The following SNRPN variants were observed in gnomAD, a reference collection of about 807,000 sequenced individuals.
SNRPN encodes the protein small nuclear ribonucleoprotein-associated protein N.
A neutral mutation model predicts 25.2 loss-of-function variants in SNRPN; 7 were observed. The observed-to-expected ratio is 0.28, with a 90% CI of 0.16 to 0.52. The LOEUF (loss-of-function observed/expected upper bound fraction) is 0.52. SNRPN is among the 20% of genes least tolerant of loss of function. SNRPN has a pLI of 0.96. For synonymous variants in SNRPN, 124 were observed against 110.6 expected, an observed-to-expected ratio of 1.12 and a Z score of -0.76; for missense variants, 196 against 322.5, an observed-to-expected ratio of 0.61 and a Z score of 3.00.
At position 24,971,244 on chromosome 15, in the gene SNRPN, A is replaced by G. The variant is rs184243889; in HGVS notation, c.-143-3067A>G. ...TGTGCCCTTTGATCTCAGAAGATAC[A>G]CTATGACTGCTCATCCATCCTTGCA... On this transcript the variant is annotated intron_variant, in intron 3 of 9. Coordinates refer to ENST00000390687, the MANE Select transcript of SNRPN (RefSeq NM_003097.6). Among the ~76,000 whole-genome samples the G allele has an allele frequency of 3.9e-5, 6 of 152,320 alleles. No individual in the cohort carries two copies. In the East Asian group the frequency reaches 1.2e-3, roughly 29 times the overall value.
rs2077123681 is a variant in SNRPN, at chr15:24,976,882, C to T, written c.273C>T (p.Gly91=). Reference sequence around the variant, plus strand: ...TATGAATTTTCTTGTTTCAGACTGGCATTGCTCGGGTACCACTTGCTGGAG... The same window carrying T: ...TATGAATTTTCTTGTTTCAGACTGGTATTGCTCGGGTACCACTTGCTGGAG... ...TVEGPPPKDT[G]IARVPLAGAA... The change falls in exon 7 of 10, where the codon GGC becomes GGT. Residue 91 remains glycine, a synonymous_variant. Transcript: ENST00000390687. The T allele has an allele frequency of 1.9e-6, 3 of 1,607,412 alleles. No individual in the cohort carries two copies. The highest frequency in any genetic ancestry group is 2.5e-6 in the Non-Finnish European group (3 of 1,178,176).
chr15:24,966,850 C>T (rs997249288), intron 2 of SNRPN, among the ~76,000 whole-genome samples: 2 of 152,164 alleles, frequency 1.3e-5, no homozygotes, highest in African/African-American at 4.8e-5. Flanking sequence ...CAGCTCCTCA[C>T]CTCAAGGCAA....
chr15:24,955,856 G>A (rs982939452), intron 1 of SNRPN, among the ~76,000 whole-genome samples: 10 of 151,788 alleles, frequency 6.6e-5, no homozygotes, highest in African/African-American at 1.7e-4. Flanking sequence ...GCATGGAGGC[G>A]GTGGGCATGG....
intron 3 of SNRPN, among the ~76,000 whole-genome samples, chr15:24,971,205 C>T (rs1167154727): frequency 6.6e-6 from 1 of 152,204 alleles, no homozygotes; most frequent in Admixed American, 6.5e-5. Context: ...GATACCAGTT[C>T]GTTAATTTGC....
At chr15:24,866,648 C>T (rs1465595398) in intron 1 of SNRPN, among the ~76,000 whole-genome samples, 1 of 152,194 alleles carries the variant, frequency 6.6e-6, no homozygotes, top group Non-Finnish European at 1.5e-5. Flanking sequence ...TATTCCTCCT[C>T]TCTGACTGAA....
intron 1 of SNRPN, among the ~76,000 whole-genome samples, chr15:24,876,595 C>T (rs2055903512): frequency 7.0e-6 from 1 of 143,270 alleles, no homozygotes; most frequent in African/African-American, 2.6e-5. Flanking sequence ...CCAGCCTGGG[C>T]CACAGAGCGA....
At chr15:24,923,923 ATTTTTTTTTTTTT>A (rs34575205) in intron 3 of SNRPN, among the ~76,000 whole-genome samples, 2 of 89,908 alleles carry the variant, frequency 2.2e-5, no homozygotes, top group Non-Finnish European at 4.0e-5. Flanking sequence ...GTATATAAAC[ATTTTTTTTTTTTT>A]TTTTTTTTTT....
chr15:24,849,021 C>G (rs548337622), intron 2 of SNRPN: 5 of 152,296 alleles, frequency 3.3e-5, no homozygotes, highest in African/African-American at 1.2e-4. Flanking sequence ...GTTCTGCCGC[C>G]GACTCCCTGG....
Position 24,962,154 on chromosome 15 carries a change from C to G in SNRPN, c.-350C>G. 1 of 1,614,092 alleles carries G rather than the reference C, an allele frequency of 6.2e-7. No homozygotes were observed. The highest frequency in any genetic ancestry group is 8.5e-7 in the Non-Finnish European group (1 of 1,180,030). On this transcript the variant is annotated 5_prime_UTR_variant, in exon 2 of 10. Transcript: ENST00000390687. ...GAGACGAACTACAGAACAGCACGTA[C>G]CAGAGGTGGAAGTCCAAGTCAAACG...
rs545745455 is a variant in SNRPN, at chr15:24,871,941, A to G, written c.-578-14575A>G. Among the ~76,000 whole-genome samples the G allele has an allele frequency of 1.1e-3, 130 of 119,730 alleles. 33 individuals carry two copies. In the East Asian group the frequency reaches 0.031, roughly 29 times the overall value. 78.5% of individuals were successfully genotyped at this position (119,730 alleles called of 152,430 possible). On this transcript the variant is annotated intron_variant, in intron 1 of 11. Coordinates refer to the SNRPN transcript ENST00000400097. ...AGGATGGTCTCGATCTCCTGACTTC[A>G]TGATTCGCCCACCTCAGCCTCCCAA... is the stretch of plus-strand genomic sequence containing the variant.
At chr15:24,923,368 A>C (rs1217472887) in intron 3 of SNRPN, among the ~76,000 whole-genome samples, 2 of 152,166 alleles carry the variant, frequency 1.3e-5, no homozygotes, top group Non-Finnish European at 2.9e-5. Context: ...CTTCAATTCA[A>C]ATGTTGCTCA....
intron 2 of SNRPN, among the ~76,000 whole-genome samples, chr15:24,916,663 G>A (rs1192342433): frequency 6.6e-6 from 1 of 152,138 alleles, no homozygotes; most frequent in Non-Finnish European, 1.5e-5. Context: ...ATCATATAAT[G>A]GTAACAGTAT....
At chr15:24,967,828 A>G in intron 2 of SNRPN, 104 bp from the exon 3 acceptor site, 4 of 819,912 alleles carry the variant, frequency 4.9e-6, no homozygotes, top group Non-Finnish European at 7.6e-6. Flanking sequence ...AAAAAAAAAA[A>G]GGAATATCTT....
At chr15:24,967,639 C>CT (rs1256548712) in intron 2 of SNRPN, among the ~76,000 whole-genome samples, 2 of 122,542 alleles carry the variant, frequency 1.6e-5, no homozygotes, top group African/African-American at 6.3e-5. Context: ...GAGACTCTGT[C>CT]TTAAAAAAAA....
chr15:24,850,228 T>C (rs2052687047), intron 2 of SNRPN: 1 of 152,250 alleles, frequency 6.6e-6, no homozygotes, highest in Admixed American at 6.5e-5. Flanking sequence ...CTAATAGTGA[T>C]TGTAACAACA....
At chr15:24,943,880 G>A (rs1182298411) in intron 3 of SNRPN, among the ~76,000 whole-genome samples, 1 of 151,924 alleles carries the variant, frequency 6.6e-6, no homozygotes, top group African/African-American at 2.4e-5. Context: ...GGAGTGCAGT[G>A]GCATGATCCT....
chr15:24,830,979 A>AT (rs1454958505), intron 2 of SNRPN, among the ~76,000 whole-genome samples: 4 of 151,738 alleles, frequency 2.6e-5, no homozygotes, highest in Middle Eastern at 6.8e-3. Context: ...GTCCTTACTG[A>AT]TTTTTTCTGC....
chr15:24,977,706 T>C, intron 7 of SNRPN, 72 bp from the exon 8 acceptor site: 1 of 1,389,480 alleles, frequency 7.2e-7, no homozygotes, highest in Non-Finnish European at 9.7e-7. Flanking sequence ...GTCATTTTTC[T>C]CATTTATTTT....
intron 2 of SNRPN, among the ~76,000 whole-genome samples, chr15:24,966,717 C>G (rs1362043922): frequency 1.3e-5 from 2 of 152,104 alleles, no homozygotes; most frequent in African/African-American, 4.8e-5. Flanking sequence ...GAACCAGGAG[C>G]AAAGGCCAGT....
Sources: gnomAD v4.1 joint callset for allele counts (sites outside exome capture counted in the v4.1 genomes callset) on GRCh38, gnomAD v4.1.1 for gene constraint, MANE v1.5 for transcripts, NCBI Gene and HGNC (gene_info 2026-07-23, HGNC 2026-07-21) for gene names.